SRCAP: variants seen among roughly 807,000 people sequenced by gnomAD.
SRCAP encodes the protein chromatin remodeling protein SRCAP.
In SRCAP, 46 loss-of-function variants were observed where a neutral mutation model predicts 263.1. That is an observed-to-expected ratio of 0.17 (90% CI 0.14 to 0.22). The LOEUF (loss-of-function observed/expected upper bound fraction) is 0.22. Ranked by LOEUF, SRCAP falls within the 10% of genes least tolerant of loss-of-function variation. The pLI is 1.00. For synonymous variants in SRCAP, 1,813 were observed against 1,662.1 expected, an observed-to-expected ratio of 1.09 and a Z score of -2.21; for missense variants, 3,695 against 4,181.9, an observed-to-expected ratio of 0.88 and a Z score of 3.21.
chr16:30,710,252 G>A lies in SRCAP; in HGVS notation c.1134+124G>A, dbSNP rs900152435. The A allele has an allele frequency of 1.4e-5, 14 of 1,021,328 alleles. No homozygotes were observed. The Middle Eastern group carries it at 9.6e-4, about 70-fold the overall frequency. The allele number at this position is 1,021,328 out of a possible 1,614,324, so 63.3% of individuals were successfully genotyped here. ...AGTTCTGCTAGTAATGGACATTTGG[G>A]CTCTTTGGGGATGACTGGGGAAGAA... On this transcript the variant is annotated intron_variant, in intron 8 of 33. Transcript: ENST00000262518.
At chr16:30,736,046 T>A (rs1227037306) in intron 31 of SRCAP, among the ~76,000 whole-genome samples, 154 bp from the exon 32 acceptor site, 1 of 152,136 alleles carries the variant, frequency 6.6e-6, no homozygotes, top group Non-Finnish European at 1.5e-5. Context: ...ACCACTGAGT[T>A]GTTGTGGTAA....
chr16:30,706,748 A>G (rs1022229266), intron 4 of SRCAP, among the ~76,000 whole-genome samples: 12 of 152,198 alleles, frequency 7.9e-5, no homozygotes, highest in Non-Finnish European at 1.5e-4. Flanking sequence ...AGAATTCTAC[A>G]ATGATGATGA....
chr16:30,735,567 C>T (rs1216932141), intron 31 of SRCAP, among the ~76,000 whole-genome samples: 81 of 69,592 alleles, frequency 1.2e-3, no homozygotes, highest in African/African-American at 4.3e-3. Context: ...TTTGACATTA[C>T]TTTTTTTTTT....
chr16:30,711,133 C>T (rs368508252), intron 10 of SRCAP, 45 bp downstream of exon 10: 115 of 1,457,632 alleles, frequency 7.9e-5, no homozygotes, highest in Admixed American at 1.1e-4. Flanking sequence ...TTGGTGTCTG[C>T]GGTGTGCAGT....
intron 27 of SRCAP, among the ~76,000 whole-genome samples, chr16:30,732,978 G>A (rs2053127403): frequency 6.6e-6 from 1 of 152,110 alleles, no homozygotes; most frequent in Admixed American, 6.5e-5. Flanking sequence ...TGGGATTACA[G>A]TCACCCGCCA....
Position 30,699,239 on chromosome 16 carries a change from T to C in SRCAP, c.-287T>C, listed in dbSNP as rs1315890560. 2.5e-6 allele frequency: 1 copy of C among 398,506 alleles called. No individual in the cohort carries two copies. Among genetic ancestry groups the C allele is most frequent in the African/African-American group, 2.1e-5 (1 of 48,592 alleles). 24.7% of individuals were successfully genotyped at this position (398,506 alleles called of 1,614,324 possible). A position where few individuals can be genotyped will look rare whatever the true frequency, so the allele number is the denominator to read the frequency against. ...AGTCAAGAGTTAAGGCTTGTTGGCT[T>C]CTGGTGAGCTCGGGTCTTGGGAACG... On this transcript the variant is annotated 5_prime_UTR_variant, in exon 1 of 34. Transcript: ENST00000262518.
chr16:30,707,728 C>G lies in SRCAP; in HGVS notation c.633+16C>G, dbSNP rs1197953439. ...TGTGGAGAAGGTAGACAGTGGGGAT[C>G]AGGAAAGGAAAATGGCCTTGGATTA... On this transcript the variant is annotated intron_variant, in intron 6 of 33. Coordinates refer to ENST00000262518, the MANE Select transcript of SRCAP (RefSeq NM_006662.3). The G allele has an allele frequency of 6.2e-7, 1 of 1,613,718 alleles. No homozygotes were observed. The highest frequency in any genetic ancestry group is 1.7e-5 in the Admixed American group (1 of 59,984).
At chr16:30,732,950 C>G (rs978713954) in intron 27 of SRCAP, among the ~76,000 whole-genome samples, 1 of 152,176 alleles carries the variant, frequency 6.6e-6, no homozygotes, top group African/African-American at 2.4e-5. Flanking sequence ...GTTCTCATGC[C>G]TCAGCCTCCT....
chr16:30,721,447 T>C lies in SRCAP; in HGVS notation c.3512T>C (p.Leu1171Pro). The change falls in exon 21 of 34, where the codon CTA (leucine) becomes CCA (proline). Residue 1171 changes from leucine (L) to proline (P), a missense_variant. This residue lies in a region of SRCAP where 1,347 missense variants were observed against 1,304.4 expected (regional missense o/e 1.03). Coordinates refer to ENST00000262518, the MANE Select transcript of SRCAP (RefSeq NM_006662.3). ...ACTCCTGCACCACAGCGCCTCATTC[T>C]ATCTCCCGATATGCAGGCTCGCCTG... The part of the protein sequence containing the change: ...APTPAPQRLI[L>P]SPDMQARLPS... The C allele has an allele frequency of 6.2e-7, 1 of 1,611,906 alleles. No homozygotes were observed. The highest frequency in any genetic ancestry group is 8.5e-7 in the Non-Finnish European group (1 of 1,180,028).
At position 30,739,862 on chromosome 16, in the gene SRCAP, C is replaced by G; in HGVS notation, c.*129C>G. 7.3e-7 allele frequency: 1 copy of G among 1,363,932 alleles called. No individual in the cohort carries two copies. Among genetic ancestry groups the G allele is most frequent in the Non-Finnish European group, 9.6e-7 (1 of 1,045,346 alleles). The allele number at this position is 1,363,932 out of a possible 1,614,324, so 84.5% of individuals were successfully genotyped here. On this transcript the variant is annotated 3_prime_UTR_variant, in exon 34 of 34. Transcript: ENST00000262518. ...GGGAGACATAGGGGCCTTCTCCCTT[C>G]TTCCCACCAAAGTAGGGGGTAGGCA...
intron 18 of SRCAP, among the ~76,000 whole-genome samples, chr16:30,718,230 G>A (rs2052972928): frequency 6.6e-6 from 1 of 152,032 alleles, no homozygotes; most frequent in South Asian, 2.1e-4. Flanking sequence ...AGGCTAGAGT[G>A]CAATGGCACA....
Position 30,738,501 on chromosome 16 carries a change from C to T in SRCAP, c.8461C>T (p.Pro2821Ser). ...AAPSSSLPTP[P>S]QQPFIARRHI... The stretch of plus-strand genomic sequence containing the variant: ...TCCTTCATCCTCACTGCCCACTCCA[C>T]CCCAGCAGCCCTTCATTGCTCGCCG... The change falls in exon 34 of 34, where the codon CCC (proline) becomes TCC (serine). Residue 2821 changes from proline (P) to serine (S), a missense_variant. Pro to Ser is a moderately conservative substitution (Grantham distance 74, BLOSUM62 -1). This residue lies in a region of SRCAP where 1,207 missense variants were observed against 1,142.9 expected (regional missense o/e 1.06). Transcript: ENST00000262518. The T allele has an allele frequency of 6.2e-7, 1 of 1,608,916 alleles. No homozygotes were observed. Among genetic ancestry groups the T allele is most frequent in the Non-Finnish European group, 8.5e-7 (1 of 1,177,352 alleles).
rs747379245 is a variant in SRCAP at position 30,737,344 on chromosome 16, G to A, written c.7304G>A (p.Arg2435Gln). 8 of 1,613,894 alleles carry A rather than the reference G, an allele frequency of 5.0e-6. No homozygotes were observed. Among genetic ancestry groups the A allele is most frequent in the African/African-American group, 2.7e-5 (2 of 74,870 alleles). Residue 2435 changes from arginine (R) to glutamine (Q), a missense_variant, in exon 34 of 34, where the codon CGA becomes CAA. This residue lies in a region of SRCAP where 1,207 missense variants were observed against 1,142.9 expected (regional missense o/e 1.06). Coordinates refer to ENST00000262518, the MANE Select transcript of SRCAP (RefSeq NM_006662.3). ...TPPRCSPARE[R>Q]VPRPAPRPRP... ...CCCCGCTGCAGTCCTGCCAGGGAGC[G>A]AGTTCCCAGGCCAGCACCTAGGCCT...
At chr16:30,713,903 T>TG (rs1433527351) in intron 16 of SRCAP, among the ~76,000 whole-genome samples, 192 bp downstream of exon 16, 1 of 150,812 alleles carries the variant, frequency 6.6e-6, no homozygotes, top group Non-Finnish European at 1.5e-5. Flanking sequence ...CAATTCTGTT[T>TG]TTTTTTTTTT....
Position 30,723,857 on chromosome 16 carries a change from C to T in SRCAP, c.4433C>T (p.Pro1478Leu). 2 of 1,614,140 alleles carry T rather than the reference C, an allele frequency of 1.2e-6. No individual in the cohort carries two copies. Among genetic ancestry groups the T allele is most frequent in the Non-Finnish European group, 8.5e-7 (1 of 1,180,036 alleles). Residue 1478 changes from proline to leucine, a missense_variant, in exon 25 of 34, where the codon CCA becomes CTA. Physicochemically the swap from Pro to Leu is moderately conservative, Grantham distance 98. Around this residue, in one of 12 missense-constraint regions of SRCAP, gnomAD observed 1,347 missense variants for 1,304.4 expected, o/e 1.03. Transcript: ENST00000262518. Reference protein sequence around the residue: ...SGPALLTSVTPPLAPVVPAAP... With the variant: ...SGPALLTSVTLPLAPVVPAAP... ...CCAGCTCTGTTGACCAGTGTGACTC[C>T]ACCATTGGCACCTGTTGTCCCAGCG...
chr16:30,712,844 C>T, intron 14 of SRCAP, 29 bp downstream of exon 14: 3 of 1,609,682 alleles, frequency 1.9e-6, no homozygotes, highest in East Asian at 4.5e-5. Context: ...TCACTTTCCT[C>T]CCATTGATGC....
chr16:30,713,102 C>A, intron 14 of SRCAP, 106 bp from the exon 15 acceptor site: 1 of 1,301,362 alleles, frequency 7.7e-7, no homozygotes. Flanking sequence ...GGGACTTTCT[C>A]TTTTCTTCCA....
chr16:30,718,436 C>G (rs930700661), intron 18 of SRCAP, among the ~76,000 whole-genome samples: 2 of 151,356 alleles, frequency 1.3e-5, no homozygotes, highest in African/African-American at 4.9e-5. Context: ...CTCGGCCTCC[C>G]AAAGTGCTGG....
intron 21 of SRCAP, 66 bp from the exon 22 acceptor site, chr16:30,722,056 T>C: frequency 6.4e-7 from 1 of 1,553,638 alleles, no homozygotes; most frequent in Non-Finnish European, 8.7e-7. Context: ...GTGTGCTTCA[T>C]GGGGTCTGTG....
Sources: allele counts gnomAD v4.1 joint callset (sites outside exome capture counted in the v4.1 genomes callset), GRCh38; gene constraint gnomAD v4.1.1; regional missense constraint gnomAD v4.1.1; transcripts MANE v1.5; gene names NCBI Gene and HGNC (gene_info 2026-07-23, HGNC 2026-07-21).